ANKH: variants seen among roughly 807,000 people sequenced by gnomAD.
The protein encoded by ANKH is mineralization regulator ANKH.
A neutral mutation model predicts 49.0 loss-of-function variants in ANKH; 15 were observed. That is an observed-to-expected ratio of 0.31 (90% CI 0.20 to 0.47). The LOEUF (loss-of-function observed/expected upper bound fraction) is 0.47. Among genes scored for constraint, ANKH ranks in the 20% least tolerant of loss-of-function variants. The pLI is 1.00. For missense variants in ANKH, 429 were observed against 652.0 expected, an observed-to-expected ratio of 0.66 and a Z score of 3.72; for synonymous variants, 273 against 260.0, an observed-to-expected ratio of 1.05 and a Z score of -0.48.
intron 3 of ANKH, 25 bp downstream of exon 3, chr5:14,758,455 A>C (rs746551760): frequency 7.0e-6 from 11 of 1,565,694 alleles, no homozygotes; most frequent in African/African-American, 1.4e-5. Context: ...AAAAAGAAAG[A>C]AAGCCAACGA....
At chr5:14,759,657 G>A (rs1436544096) in intron 2 of ANKH, among the ~76,000 whole-genome samples, 1 of 151,836 alleles carries the variant, frequency 6.6e-6, no homozygotes, top group Non-Finnish European at 1.5e-5. Context: ...CTTGGGAGGT[G>A]GAGGCAGGAG....
chr5:14,785,612 C>T (rs1226885660), intron 1 of ANKH, among the ~76,000 whole-genome samples: 1 of 152,168 alleles, frequency 6.6e-6, no homozygotes, highest in African/African-American at 2.4e-5. Flanking sequence ...TATTTTCTTA[C>T]AGCAATGCAA....
chr5:14,839,302 A>C (rs76724311), intron 1 of ANKH, among the ~76,000 whole-genome samples: 2,079 of 152,278 alleles, frequency 0.014, 43 homozygotes, highest in African/African-American at 0.047. Flanking sequence ...TTTCATTATA[A>C]TCTTTAATAT....
chr5:14,738,524 C>G (rs1388475531), intron 8 of ANKH, among the ~76,000 whole-genome samples: 1 of 152,202 alleles, frequency 6.6e-6, no homozygotes, highest in Non-Finnish European at 1.5e-5. Context: ...GCAGCTCCTA[C>G]TGTATACACA....
At chr5:14,816,251 T>G (rs1487100516) in intron 1 of ANKH, among the ~76,000 whole-genome samples, 1 of 152,220 alleles carries the variant, frequency 6.6e-6, no homozygotes, top group African/African-American at 2.4e-5. Context: ...AGCATCACCT[T>G]CAGCGAGTGA....
intron 1 of ANKH, among the ~76,000 whole-genome samples, chr5:14,863,011 AT>A (rs1735543358): frequency 6.6e-6 from 1 of 152,188 alleles, no homozygotes. Flanking sequence ...ACAGCAGAAC[AT>A]CAAAAAGCAA....
chr5:14,860,790 T>C (rs1421278566), intron 1 of ANKH, among the ~76,000 whole-genome samples: 2 of 152,146 alleles, frequency 1.3e-5, no homozygotes, highest in Admixed American at 6.5e-5. Context: ...AGATGGAGTC[T>C]TGCTGTGACG....
chr5:14,809,246 T>C (rs31907), intron 1 of ANKH, among the ~76,000 whole-genome samples: 53,647 of 112,092 alleles, frequency 0.48, 13,130 homozygotes, highest in East Asian at 0.75. Context: ...GATGACACGT[T>C]AGTGGGTGCA....
At chr5:14,732,523 T>C (rs1738038693) in intron 8 of ANKH, among the ~76,000 whole-genome samples, 1 of 152,198 alleles carries the variant, frequency 6.6e-6, no homozygotes, top group African/African-American at 2.4e-5. Flanking sequence ...AATTATTCCT[T>C]GGCATAAAAT....
chr5:14,850,104 A>G (rs1031103505), intron 1 of ANKH, among the ~76,000 whole-genome samples: 12 of 152,130 alleles, frequency 7.9e-5, no homozygotes, highest in African/African-American at 2.9e-4. Flanking sequence ...CCCAAGAATA[A>G]TTGTCTTTCA....
chr5:14,775,593 C>T (rs182752553), intron 1 of ANKH, among the ~76,000 whole-genome samples: 146 of 152,234 alleles, frequency 9.6e-4, no homozygotes, highest in African/African-American at 3.2e-3. Context: ...AAGGCAGCCC[C>T]TCTAAAGAGG....
chr5:14,810,775 A>G (rs1391840226), intron 1 of ANKH, among the ~76,000 whole-genome samples: 4 of 152,154 alleles, frequency 2.6e-5, no homozygotes, highest in Non-Finnish European at 5.9e-5. Flanking sequence ...TCTATGTTTA[A>G]AAGTCTGCAA....
chr5:14,742,114 T>C (rs538453441), intron 7 of ANKH, among the ~76,000 whole-genome samples, 192 bp from the exon 8 acceptor site: 16 of 152,280 alleles, frequency 1.1e-4, no homozygotes, highest in African/African-American at 3.8e-4. Flanking sequence ...ACAGGATCAT[T>C]AACCTGAGTG....
chr5:14,707,673 T>G lies in ANKH; in HGVS notation c.*3524A>C, dbSNP rs1736994592. ...CCACCCCCTGCACCTCCCAAGGTTA[T>G]TTATTGGGAAGACTCAGAGAGTGAA... On this transcript the variant is annotated 3_prime_UTR_variant, in exon 12 of 12. Transcript: ENST00000284268. 1 of 152,154 alleles carries G rather than the reference T, an allele frequency of 6.6e-6. No individual in the cohort carries two copies. The allele number at this position is 152,154 out of a possible 1,614,324, so 9.4% of individuals were successfully genotyped here. A position where few individuals can be genotyped will look rare whatever the true frequency, so the allele number is the denominator to read the frequency against.
intron 1 of ANKH, among the ~76,000 whole-genome samples, chr5:14,769,572 G>C (rs1311192604): frequency 6.6e-6 from 1 of 152,110 alleles, no homozygotes; most frequent in Non-Finnish European, 1.5e-5. Flanking sequence ...CTGAAAACGA[G>C]TCTAACAGTT....
rs1330865730 is a variant in ANKH at position 14,745,125 on chromosome 5, G to A, written c.915+745C>T. On this transcript the variant is annotated intron_variant, in intron 7 of 11. Coordinates refer to ENST00000284268, the MANE Select transcript of ANKH (RefSeq NM_054027.6). The surrounding 1 kb of genome is among the most constrained non-coding windows in gnomAD (Gnocchi z 4.7). ...TCAAGGCACAACAGGTGCCCTTCAC[G>A]GTAAGAAGTAGCAGTCTGTTTGCTT... Among the ~76,000 whole-genome samples the A allele has an allele frequency of 3.3e-5, 5 of 152,152 alleles. No individual in the cohort carries two copies. Among genetic ancestry groups the A allele is most frequent in the East Asian group, 1.9e-4 (1 of 5,196 alleles).
At chr5:14,863,844 T>C (rs1157822641) in intron 1 of ANKH, among the ~76,000 whole-genome samples, 1 of 152,166 alleles carries the variant, frequency 6.6e-6, no homozygotes, top group Non-Finnish European at 1.5e-5. Flanking sequence ...AACCAAATTA[T>C]TCACCATTAA....
intron 1 of ANKH, among the ~76,000 whole-genome samples, chr5:14,842,403 T>C (rs1237555642): frequency 1.3e-5 from 2 of 152,158 alleles, no homozygotes; most frequent in Admixed American, 1.3e-4. Flanking sequence ...CCAATGAGAC[T>C]GGCCTGGAGG....
chr5:14,772,969 A>G (rs943323651), intron 1 of ANKH, among the ~76,000 whole-genome samples: 1 of 152,224 alleles, frequency 6.6e-6, no homozygotes, highest in African/African-American at 2.4e-5. Context: ...CCTGCCTCCA[A>G]GTGGGACCAC....
Sources: gnomAD v4.1 joint callset for allele counts (sites outside exome capture counted in the v4.1 genomes callset) on GRCh38, gnomAD v4.1.1 for gene constraint, Gnocchi (gnomAD v3.1) non-coding constraint, MANE v1.5 for transcripts, NCBI Gene and HGNC (gene_info 2026-07-23, HGNC 2026-07-21) for gene names.